Variants in ZKSCAN2 observed in about 807,000 individuals in gnomAD.
ZKSCAN2 encodes the protein zinc finger protein with KRAB and SCAN domains 2.
A neutral mutation model predicts 90.5 loss-of-function variants in ZKSCAN2; 38 were observed. The ratio of observed to expected loss-of-function variants is 0.42; its 90% confidence interval spans 0.32 to 0.55. The LOEUF is 0.55. ZKSCAN2 is among the 20% of genes least tolerant of loss of function. The pLI is 0.11. For missense variants in ZKSCAN2, 1,167 were observed against 1,202.6 expected, an observed-to-expected ratio of 0.97 and a Z score of 0.44; for synonymous variants, 429 against 421.6, an observed-to-expected ratio of 1.02 and a Z score of -0.22.
chr16:25,252,893 G>GGGT (rs1963042147), intron 3 of ZKSCAN2, 53 bp downstream of exon 3: 1 of 1,432,368 alleles, frequency 7.0e-7, no homozygotes, highest in African/African-American at 1.4e-5. Context: ...ACTCCACCGT[G>GGGT]GGTGACAGAG....
chr16:25,252,649 C>T (rs1159700596), intron 3 of ZKSCAN2, among the ~76,000 whole-genome samples: 2 of 152,094 alleles, frequency 1.3e-5, no homozygotes, highest in African/African-American at 2.4e-5. Context: ...CATGGTAGCT[C>T]ACACCTGTAA....
chr16:25,252,099 TC>T, intron 3 of ZKSCAN2, 64 bp from the exon 4 acceptor site: 1 of 1,586,698 alleles, frequency 6.3e-7, no homozygotes, highest in Admixed American at 1.7e-5. Flanking sequence ...GGATGAGCAA[TC>T]ACAGATGAGG....
chr16:25,245,018 C>T (rs542710867), intron 5 of ZKSCAN2, among the ~76,000 whole-genome samples: 4 of 152,260 alleles, frequency 2.6e-5, no homozygotes, highest in Middle Eastern at 3.4e-3. Context: ...TATTTGAGAC[C>T]ACCCCAAGAG....
Position 25,243,775 on chromosome 16 carries a change from T to TGCACCAAAACTCCTTGGTTTC in ZKSCAN2, c.1981+9_1981+10insGAAACCAAGGAGTTTTGGTGC, listed in dbSNP as rs1962887940. The stretch of plus-strand genomic sequence containing the variant: ...CTTTTGGACTAAAACTCCTTGGTTT[T>TGCACCAAAACTCCTTGGTTTC]GCACCTTACCATTTGGGCTCTGCAG... On this transcript the variant is annotated intron_variant, in intron 6 of 6. Transcript: ENST00000328086. 6.3e-7 allele frequency: 1 copy of TGCACCAAAACTCCTTGGTTTC among 1,598,722 alleles called. No individual in the cohort carries two copies. Among genetic ancestry groups the TGCACCAAAACTCCTTGGTTTC allele is most frequent in the African/African-American group, 1.4e-5 (1 of 73,974 alleles).
chr16:25,242,798 T>C (rs1429870023), intron 6 of ZKSCAN2, among the ~76,000 whole-genome samples: 1 of 152,002 alleles, frequency 6.6e-6, no homozygotes, highest in African/African-American at 2.4e-5. Context: ...TTAATAAAAG[T>C]GTGGGTGGAG....
chr16:25,250,705 C>T (rs1963008749), intron 4 of ZKSCAN2, among the ~76,000 whole-genome samples: 1 of 152,018 alleles, frequency 6.6e-6, no homozygotes, highest in Non-Finnish European at 1.5e-5. Flanking sequence ...ATAAAATCAT[C>T]AAGTTGCAAT....
intron 5 of ZKSCAN2, 133 bp from the exon 6 acceptor site, chr16:25,244,409 G>C (rs938869264): frequency 1.1e-6 from 1 of 906,882 alleles, no homozygotes; most frequent in Non-Finnish European, 1.6e-6. Flanking sequence ...ATATGCCTAG[G>C]AATAAGCTTT....
intron 5 of ZKSCAN2, among the ~76,000 whole-genome samples, chr16:25,245,824 A>G (rs545106671): frequency 4.6e-5 from 7 of 152,246 alleles, no homozygotes; most frequent in South Asian, 2.1e-4. Flanking sequence ...AACATTACTA[A>G]TAACAGTGAT....
At chr16:25,245,012 T>G (rs1597641704) in intron 5 of ZKSCAN2, among the ~76,000 whole-genome samples, 1 of 152,340 alleles carries the variant, frequency 6.6e-6, no homozygotes. Flanking sequence ...TTCCCATATT[T>G]GAGACCACCC....
rs141615923 is a variant in ZKSCAN2 at position 25,252,679 on chromosome 16, C to T, written c.678+267G>A. 8.7e-3 allele frequency among the ~76,000 whole-genome samples: 1,324 copies of T among 152,104 alleles called. 24 individuals carry two copies. The highest frequency in any genetic ancestry group is 0.031 in the African/African-American group (1,277 of 41,496). The stretch of plus-strand genomic sequence containing the variant: ...CTGTAATCCCAGCACTTTGGGAGGC[C>T]GGGTCGGGCGGGTCACTTGAAGTCA... On this transcript the variant is annotated intron_variant, in intron 3 of 6. Coordinates refer to ENST00000328086, the MANE Select transcript of ZKSCAN2 (RefSeq NM_001012981.5).
In ZKSCAN2 at chr16:25,240,342, T is replaced by C; in HGVS notation, c.2378A>G (p.His793Arg). ...TTTTTCGCCTGTGTGGATTCTTTGG[T>C]GTCTGATCAGGCTCCTGCTTCTACC... ...CFGRSRSLIRHQRIHTGEKPF... is the reference protein window; with the variant it reads ...CFGRSRSLIRRQRIHTGEKPF... The change falls in exon 7 of 7, where the codon CAC (histidine) becomes CGC (arginine). Residue 793 changes from histidine (H) to arginine (R), a missense_variant. Transcript: ENST00000328086. The C allele has an allele frequency of 6.2e-7, 1 of 1,614,064 alleles. No homozygotes were observed. Among genetic ancestry groups the C allele is most frequent in the Non-Finnish European group, 8.5e-7 (1 of 1,180,052 alleles).
intron 5 of ZKSCAN2, chr16:25,246,246 T>C (rs1962932108): frequency 6.4e-6 from 1 of 155,858 alleles, no homozygotes. Context: ...CTCTCCTTTG[T>C]CTTCTTTTAG....
chr16:25,251,793 C>A, intron 4 of ZKSCAN2, 116 bp downstream of exon 4: 5 of 1,267,544 alleles, frequency 3.9e-6, no homozygotes, highest in South Asian at 3.0e-5. Context: ...TTACACTAGA[C>A]AATCCTTAGA....
rs369090600 is a variant in ZKSCAN2 at position 25,239,928 on chromosome 16, G to C, written c.2792C>G (p.Thr931Ser). Residue 931 changes from threonine (T) to serine (S), a missense_variant, in exon 7 of 7, where the codon ACC (threonine) becomes AGC (serine). Coordinates refer to ENST00000328086, the MANE Select transcript of ZKSCAN2 (RefSeq NM_001012981.5). ...GKRFSKSSVLTKHREVHVREK... is the reference protein window; with the variant it reads ...GKRFSKSSVLSKHREVHVREK... ...TCTCACATGAACTTCCCGATGTTTG[G>C]TAAGAACAGAACTCTTACTGAAACG... The C allele has an allele frequency of 1.2e-5, 20 of 1,614,144 alleles. No individual in the cohort carries two copies. Among genetic ancestry groups the C allele is most frequent in the Non-Finnish European group, 1.7e-5 (20 of 1,180,012 alleles).
At chr16:25,252,889 C>A in intron 3 of ZKSCAN2, 57 bp downstream of exon 3, 2 of 1,421,124 alleles carry the variant, frequency 1.4e-6, no homozygotes, top group Admixed American at 1.7e-5. Context: ...CTGTACTCCA[C>A]CGTGGGTGAC....
chr16:25,239,744 A>G lies in ZKSCAN2; in HGVS notation c.*72T>C. ...TCTTGGAAATTACACTTCATAGCTA[A>G]GAAAAGATTGCTTCCAAGAATGAGA... On this transcript the variant is annotated 3_prime_UTR_variant, in exon 7 of 7. Coordinates refer to ENST00000328086, the MANE Select transcript of ZKSCAN2 (RefSeq NM_001012981.5). 7.5e-7 allele frequency: 1 copy of G among 1,328,728 alleles called. No homozygotes were observed. Among genetic ancestry groups the G allele is most frequent in the Non-Finnish European group, 1.0e-6 (1 of 964,866 alleles). 82.3% of individuals were successfully genotyped at this position (1,328,728 alleles called of 1,614,324 possible).
rs752800344 is a variant in ZKSCAN2 at position 25,240,424 on chromosome 16, G to A, written c.2296C>T (p.Arg766Trp). 2.0e-5 allele frequency: 32 copies of A among 1,613,960 alleles called. No individual in the cohort carries two copies. The highest frequency in any genetic ancestry group is 1.6e-4 in the Middle Eastern group (1 of 6,082). ...SFGRSTRLMC[R>W]MTHHKENPYK... ...GGATTCTCCTTGTGGTGGGTCATCC[G>A]GCACATCAGACGAGTGCTCCTTCCA... The change falls in exon 7 of 7, where the codon CGG (arginine) becomes TGG (tryptophan). Residue 766 changes from arginine (R) to tryptophan (W), a missense_variant. Arg to Trp is a moderately radical substitution (Grantham distance 101). Coordinates refer to ENST00000328086, the MANE Select transcript of ZKSCAN2 (RefSeq NM_001012981.5).
chr16:25,256,939 G>A lies in ZKSCAN2; in HGVS notation c.189C>T (p.Phe63=), dbSNP rs747844460. The change falls in exon 1 of 7, where the codon TTC becomes TTT. Residue 63 remains phenylalanine (F), a synonymous_variant. Transcript: ENST00000328086. ...GGCAGCAAAGTTCCCAGAGTTTACT[G>A]AAAGCTTCATGGGGTCCAGTCACAT... is the stretch of plus-strand genomic sequence containing the variant. The part of the protein sequence containing the change: ...YEDVTGPHEA[F]SKLWELCCRW... 8 of 1,614,082 alleles carry A rather than the reference G, an allele frequency of 5.0e-6. No individual in the cohort carries two copies. In the Admixed American group the frequency reaches 1.3e-4, roughly 27 times the overall value.
At position 25,257,070 on chromosome 16, in the gene ZKSCAN2, T is replaced by G. The variant is rs139400165; in HGVS notation, c.58A>C (p.Ile20Leu). The change falls in exon 1 of 7, where the codon ATA (isoleucine) becomes CTA (leucine). Residue 20 changes from isoleucine to leucine, a missense_variant. Transcript: ENST00000328086. Reference protein sequence around the residue: ...DAPLEVEGCLIMKVEKDPEWA... With the variant: ...DAPLEVEGCLLMKVEKDPEWA... Reference sequence around the variant, plus strand: ...TCAGGGTCCTTTTCCACCTTCATTATTAGGCATCCCTCAACCTCCAGGGGC... The same window carrying G: ...TCAGGGTCCTTTTCCACCTTCATTAGTAGGCATCCCTCAACCTCCAGGGGC... 1.2e-6 allele frequency: 2 copies of G among 1,613,860 alleles called. No individual in the cohort carries two copies. The highest frequency in any genetic ancestry group is 1.7e-6 in the Non-Finnish European group (2 of 1,179,932).
Sources: gnomAD v4.1 joint callset for allele counts (sites outside exome capture counted in the v4.1 genomes callset) on GRCh38, gnomAD v4.1.1 for gene constraint, MANE v1.5 for transcripts, NCBI Gene and HGNC (gene_info 2026-07-23, HGNC 2026-07-21) for gene names.